HK2: variants seen among roughly 807,000 people sequenced by gnomAD.
The protein encoded by HK2 is hexokinase 2.
In HK2, 42 loss-of-function variants were observed where a neutral mutation model predicts 92.9. That is an observed-to-expected ratio of 0.45 (90% CI 0.35 to 0.58). The LOEUF (loss-of-function observed/expected upper bound fraction) is 0.58, where lower values mean the gene tolerates loss of function less well. HK2 is among the 20% of genes least tolerant of loss of function. The pLI is 0.00. For missense variants in HK2, 978 were observed against 1,245.1 expected (o/e 0.79, Z 3.23); for synonymous variants, 422 against 468.0 (o/e 0.90, Z 1.27).
At chr2:74,865,337 G>A (rs1688919961) in intron 2 of HK2, among the ~76,000 whole-genome samples, 1 of 152,110 alleles carries the variant, frequency 6.6e-6, no homozygotes, top group Non-Finnish European at 1.5e-5. Context: ...CCCGTTCTTG[G>A]TGGAGCTGTG....
chr2:74,887,732 A>G (rs751404783), intron 15 of HK2, among the ~76,000 whole-genome samples, 171 bp from the exon 16 acceptor site: 1 of 152,032 alleles, frequency 6.6e-6, no homozygotes, highest in Admixed American at 6.6e-5. Flanking sequence ...TTAGCATGCA[A>G]AGACACCAGG....
chr2:74,886,527 C>T lies in HK2; in HGVS notation c.2073C>T (p.Arg691=), dbSNP rs1558805885. 1 of 1,613,864 alleles carries T rather than the reference C, an allele frequency of 6.2e-7. No homozygotes were observed. Among genetic ancestry groups the T allele is most frequent in the East Asian group, 2.2e-5 (1 of 44,882 alleles). The change falls in exon 15 of 18, where the codon CGC becomes CGT. Residue 691 remains arginine, a synonymous_variant. Coordinates refer to ENST00000290573, the MANE Select transcript of HK2 (RefSeq NM_000189.5). ...ATGCCTGCTACATGGAGGAGATGCG[C>T]AACGTGGAACTGGTGGAAGGAGAAG... ...GSNACYMEEM[R]NVELVEGEEG...
intron 2 of HK2, among the ~76,000 whole-genome samples, chr2:74,857,843 G>A (rs1210737683): frequency 1.3e-5 from 2 of 152,128 alleles, no homozygotes; most frequent in African/African-American, 4.8e-5. Flanking sequence ...AGGAAAGGCC[G>A]AGGTGAAGTT....
intron 1 of HK2, among the ~76,000 whole-genome samples, chr2:74,851,120 AAG>A (rs1476112355): frequency 6.7e-6 from 1 of 149,024 alleles, no homozygotes; most frequent in Non-Finnish European, 1.5e-5. Context: ...CATCCACACT[AAG>A]AGGGGCCCAC....
Position 74,887,890 on chromosome 2 carries a change from A to G in HK2, c.2220-13A>G, listed in dbSNP as rs1689577034. The G allele has an allele frequency of 6.2e-7, 1 of 1,612,948 alleles. No individual in the cohort carries two copies. The highest frequency in any genetic ancestry group is 8.5e-7 in the Non-Finnish European group (1 of 1,179,682). On this transcript the variant is annotated splice_polypyrimidine_tract_variant and intron_variant, in intron 15 of 17. Coordinates refer to ENST00000290573, the MANE Select transcript of HK2 (RefSeq NM_000189.5). ...TTCCTACTTAACCTCCATGAATGTT[A>G]CTTGCATTGCAGGTTCGAGAAAATG... is the stretch of plus-strand genomic sequence containing the variant.
chr2:74,877,486 A>G (rs1316587584), intron 8 of HK2, among the ~76,000 whole-genome samples, 165 bp downstream of exon 8: 4 of 152,092 alleles, frequency 2.6e-5, no homozygotes, highest in African/African-American at 9.7e-5. Context: ...TTCACTTACC[A>G]GTCTCCACTC....
At chr2:74,850,477 A>T (rs1022464003) in intron 1 of HK2, among the ~76,000 whole-genome samples, 3 of 152,228 alleles carry the variant, frequency 2.0e-5, no homozygotes, top group Non-Finnish European at 2.9e-5. Flanking sequence ...GTGGAGAGAG[A>T]CAAACTAGAT....
chr2:74,835,650 C>T (rs1242305124), intron 1 of HK2, among the ~76,000 whole-genome samples: 2 of 152,182 alleles, frequency 1.3e-5, no homozygotes, highest in Non-Finnish European at 2.9e-5. Flanking sequence ...GCCAGGGGCG[C>T]GCTCAGAATT....
At chr2:74,841,067 G>T (rs1688304269) in intron 1 of HK2, among the ~76,000 whole-genome samples, 1 of 151,966 alleles carries the variant, frequency 6.6e-6, no homozygotes. Context: ...GACATTTTGG[G>T]ACAGATACGT....
At chr2:74,855,613 G>T (rs1180539080) in intron 2 of HK2, among the ~76,000 whole-genome samples, 1 of 152,236 alleles carries the variant, frequency 6.6e-6, no homozygotes, top group Non-Finnish European at 1.5e-5. Flanking sequence ...GGAGATTCAA[G>T]TTGGAAAGGT....
intron 7 of HK2, among the ~76,000 whole-genome samples, chr2:74,875,384 A>C (rs754187946): frequency 2.2e-5 from 3 of 135,556 alleles, no homozygotes; most frequent in African/African-American, 8.4e-5. Flanking sequence ...GCTGGTGTGC[A>C]ATGGCGCAAT....
At chr2:74,877,416 C>G (rs1248381910) in intron 8 of HK2, 95 bp downstream of exon 8, 1 of 1,373,612 alleles carries the variant, frequency 7.3e-7, no homozygotes, top group Non-Finnish European at 1.0e-6. Flanking sequence ...TTTGACTCTT[C>G]AAGTATAGAC....
intron 1 of HK2, among the ~76,000 whole-genome samples, chr2:74,852,324 T>G (rs1349349708): frequency 2.6e-5 from 4 of 152,190 alleles, no homozygotes; most frequent in Non-Finnish European, 5.9e-5. Flanking sequence ...CAGTGTCTCA[T>G]TGGATCTGGA....
Position 74,834,416 on chromosome 2 carries a change from A to G in HK2, c.-165A>G. 1.4e-6 allele frequency: 1 copy of G among 704,700 alleles called. No homozygotes were observed. Among genetic ancestry groups the G allele is most frequent in the South Asian group, 1.6e-5 (1 of 62,534 alleles). 43.7% of individuals were successfully genotyped at this position (704,700 alleles called of 1,614,324 possible). A position where few individuals can be genotyped will look rare whatever the true frequency, so the allele number is the denominator to read the frequency against. ...TCTCCGGAGACCCGCGCCCTCCGCCAGCCGGGCGCACCCTCGCCGGTAGCC... is the reference window on the plus strand; with the variant it reads ...TCTCCGGAGACCCGCGCCCTCCGCCGGCCGGGCGCACCCTCGCCGGTAGCC... On this transcript the variant is annotated 5_prime_UTR_variant, in exon 1 of 18. Coordinates refer to ENST00000290573, the MANE Select transcript of HK2 (RefSeq NM_000189.5). This position sits in a 1 kb window ranked among gnomAD's most constrained non-coding sequence, Gnocchi z 4.2.
chr2:74,862,674 T>G (rs4853065), intron 2 of HK2, among the ~76,000 whole-genome samples: 55,950 of 152,066 alleles, frequency 0.37, 12,981 homozygotes, highest in African/African-American at 0.64. Flanking sequence ...TTAATTGGGG[T>G]ACTTACGTAG....
intron 3 of HK2, among the ~76,000 whole-genome samples, chr2:74,870,001 CTTTT>C (rs66946936): frequency 1.6e-5 from 2 of 121,474 alleles, no homozygotes; most frequent in Admixed American, 8.2e-5. Flanking sequence ...CTTTTCTTTT[CTTTT>C]TTTTTTTTTT....
chr2:74,881,618 C>A, intron 10 of HK2, 93 bp from the exon 11 acceptor site: 1 of 1,282,740 alleles, frequency 7.8e-7, no homozygotes, highest in Non-Finnish European at 1.1e-6. Flanking sequence ...TTTGATGGAA[C>A]AGGAATGGTG....
chr2:74,859,429 G>A (rs977974104), intron 2 of HK2, among the ~76,000 whole-genome samples: 11 of 152,168 alleles, frequency 7.2e-5, no homozygotes, highest in African/African-American at 2.7e-4. Flanking sequence ...TCTCATGCCT[G>A]CAATCCCAGC....
At chr2:74,890,733 G>C in intron 17 of HK2, 64 bp from the exon 18 acceptor site, 2 of 1,581,768 alleles carry the variant, frequency 1.3e-6, no homozygotes, top group East Asian at 4.5e-5. Flanking sequence ...TCATTTCTAA[G>C]TGCAAATACA....
Sources: gnomAD v4.1 joint callset for allele counts (sites outside exome capture counted in the v4.1 genomes callset) on GRCh38, gnomAD v4.1.1 for gene constraint, Gnocchi (gnomAD v3.1) non-coding constraint, MANE v1.5 for transcripts, NCBI Gene and HGNC (gene_info 2026-07-23, HGNC 2026-07-21) for gene names.